The following GUCY1A2 variants were observed in gnomAD, a reference collection of about 807,000 sequenced individuals.
GUCY1A2 encodes the protein guanylate cyclase 1 soluble subunit alpha 2, also known as guanylate cyclase soluble subunit alpha-2.
A neutral mutation model predicts 63.5 loss-of-function variants in GUCY1A2; 27 were observed. The observed-to-expected ratio is 0.43, with a 90% CI of 0.31 to 0.59. The LOEUF (loss-of-function observed/expected upper bound fraction) is 0.59. Ranked by LOEUF, GUCY1A2 falls within the 20% of genes least tolerant of loss-of-function variation. GUCY1A2 has a pLI of 0.11. For synonymous variants in GUCY1A2, 364 were observed against 343.5 expected, an observed-to-expected ratio of 1.06 and a Z score of -0.66; for missense variants, 768 against 913.3, an observed-to-expected ratio of 0.84 and a Z score of 2.05.
chr11:106,688,506 T>C (rs1565258279), intron 7 of GUCY1A2, among the ~76,000 whole-genome samples: 2 of 152,166 alleles, frequency 1.3e-5, no homozygotes, highest in East Asian at 3.8e-4. Context: ...CAGCTCTTGA[T>C]AGACTGTTTC....
At chr11:106,743,379 A>C (rs746232303) in intron 6 of GUCY1A2, among the ~76,000 whole-genome samples, 51 of 152,216 alleles carry the variant, frequency 3.4e-4, no homozygotes, top group Non-Finnish European at 6.9e-4. Flanking sequence ...TTTAGAAAAA[A>C]GTTTACAGTG....
At chr11:106,907,758 G>C (rs996151116) in intron 4 of GUCY1A2, among the ~76,000 whole-genome samples, 1 of 152,076 alleles carries the variant, frequency 6.6e-6, no homozygotes, top group Non-Finnish European at 1.5e-5. Context: ...TGGCTGCATA[G>C]TATTCCATGG....
intron 7 of GUCY1A2, among the ~76,000 whole-genome samples, chr11:106,694,730 G>A (rs1042721427): frequency 1.3e-5 from 2 of 152,132 alleles, no homozygotes; most frequent in African/African-American, 4.8e-5. Context: ...TGTGGCCACG[G>A]CTCCTGACCT....
intron 4 of GUCY1A2, among the ~76,000 whole-genome samples, chr11:106,846,709 T>C (rs1292162353): frequency 6.6e-6 from 1 of 151,622 alleles, no homozygotes; most frequent in Non-Finnish European, 1.5e-5. Context: ...TCTTATAATG[T>C]CTTATATCTA....
chr11:106,936,733 G>A (rs748271498), intron 4 of GUCY1A2: 8 of 1,441,248 alleles, frequency 5.6e-6, no homozygotes, highest in Middle Eastern at 1.7e-4. Flanking sequence ...TTTTTTTATG[G>A]CAGACGTAGT....
At chr11:107,006,330 G>A (rs373434847) in intron 1 of GUCY1A2, among the ~76,000 whole-genome samples, 1 of 152,222 alleles carries the variant, frequency 6.6e-6, no homozygotes, top group South Asian at 2.1e-4. Context: ...TGAGAGATTA[G>A]TGAGATAGAT....
chr11:106,782,004 G>T (rs1162680762), intron 5 of GUCY1A2, among the ~76,000 whole-genome samples: 1 of 152,132 alleles, frequency 6.6e-6, no homozygotes, highest in African/African-American at 2.4e-5. Context: ...GAACTTCTTG[G>T]ATATTTGGGC....
intron 1 of GUCY1A2, among the ~76,000 whole-genome samples, chr11:107,002,562 TAGG>T (rs1271047638): frequency 6.6e-6 from 1 of 152,164 alleles, no homozygotes; most frequent in African/African-American, 2.4e-5. Context: ...TGCTTATTTT[TAGG>T]AGGATAGGAG....
intron 7 of GUCY1A2, among the ~76,000 whole-genome samples, chr11:106,704,077 C>T (rs1440297972): frequency 6.6e-6 from 1 of 152,084 alleles, no homozygotes; most frequent in Non-Finnish European, 1.5e-5. Context: ...TATCTCAGCT[C>T]TTAGTCACAG....
chr11:106,749,151 A>G (rs1461319214), intron 6 of GUCY1A2, among the ~76,000 whole-genome samples: 1 of 152,022 alleles, frequency 6.6e-6, no homozygotes, highest in African/African-American at 2.4e-5. Flanking sequence ...GCCTAGGAGG[A>G]CTAGGCTGTA....
Position 106,810,006 on chromosome 11 carries a change from A to C in GUCY1A2, c.1679T>G (p.Leu560Trp), listed in dbSNP as rs774322851. The C allele has an allele frequency of 6.3e-7, 1 of 1,599,042 alleles. No individual in the cohort carries two copies. Among genetic ancestry groups the C allele is most frequent in the East Asian group, 2.2e-5 (1 of 44,570 alleles). Residue 560 changes from leucine (L) to tryptophan (W), a missense_variant, in exon 5 of 8, where the codon TTG becomes TGG. Physicochemically the swap from Leu to Trp is moderately conservative, Grantham distance 61. Coordinates refer to ENST00000526355, the MANE Select transcript of GUCY1A2 (RefSeq NM_000855.3). ...AAACTCCCTTACCTTATAAATATCC[A>C]AAAATCCACACTGGTGGTCAAATCT... is the stretch of plus-strand genomic sequence containing the variant. The part of the protein sequence containing the change: ...YTRFDHQCGF[L>W]DIYKVETIGD...
At chr11:106,795,252 C>T (rs1864733439) in intron 5 of GUCY1A2, among the ~76,000 whole-genome samples, 1 of 152,136 alleles carries the variant, frequency 6.6e-6, no homozygotes, top group Non-Finnish European at 1.5e-5. Flanking sequence ...CTGTCATAGG[C>T]AACTACAACA....
rs1489393977 is a variant in GUCY1A2 at position 106,982,334 on chromosome 11, C to T, written c.366-3594G>A. ...TTCTAAAGTGAATCCTGCCTGTCTG[C>T]TACTGACTTCTTCTGCTCCTCACTA... On this transcript the variant is annotated intron_variant, in intron 2 of 7. Transcript: ENST00000526355. Among the ~76,000 whole-genome samples, 6 of 152,254 alleles carry T rather than the reference C, an allele frequency of 3.9e-5. No individual in the cohort carries two copies. In the East Asian group the frequency reaches 1.2e-3, roughly 29 times the overall value.
chr11:106,916,947 A>G lies in GUCY1A2; in HGVS notation c.1206+22513T>C, dbSNP rs983757457. On this transcript the variant is annotated intron_variant, in intron 4 of 7. Coordinates refer to ENST00000526355, the MANE Select transcript of GUCY1A2 (RefSeq NM_000855.3). ...TCCTAAATTAATTTTTAAAACATTT[A>G]ATGAGAATCTATTATGTAATTAAAA... 8.9e-5 allele frequency among the ~76,000 whole-genome samples: 13 copies of G among 146,066 alleles called. 1 individual carries two copies. Among genetic ancestry groups the G allele is most frequent in the Admixed American group, 4.1e-4 (6 of 14,660 alleles).
At position 106,843,164 on chromosome 11, in the gene GUCY1A2, T is replaced by C. The variant is rs190990323; in HGVS notation, c.1207-32686A>G. On this transcript the variant is annotated intron_variant, in intron 4 of 7. Transcript: ENST00000526355. The stretch of plus-strand genomic sequence containing the variant: ...AATTGCTACCATTTTGAAAAGTTTA[T>C]AAGGAAAACATGTAGAATGGATGAG... Among the ~76,000 whole-genome samples, 5 of 152,016 alleles carry C rather than the reference T, an allele frequency of 3.3e-5. No homozygotes were observed. The East Asian group carries it at 7.8e-4, about 24-fold the overall frequency.
chr11:106,682,448 C>T lies in GUCY1A2; in HGVS notation c.*5101G>A, dbSNP rs554394161. The T allele has an allele frequency of 2.3e-4, 49 of 209,886 alleles. No individual in the cohort carries two copies. Among genetic ancestry groups the T allele is most frequent in the Middle Eastern group, 3.1e-3 (2 of 646 alleles). 13.0% of individuals were successfully genotyped at this position (209,886 alleles called of 1,614,324 possible). On this transcript the variant is annotated 3_prime_UTR_variant, in exon 8 of 8. Coordinates refer to ENST00000526355, the MANE Select transcript of GUCY1A2 (RefSeq NM_000855.3). ...CAAATCTCTGAAGGTAAAGACTAGTCTTCTGTATTCCTAAAACTCCCTACG... is the reference window on the plus strand; with the variant it reads ...CAAATCTCTGAAGGTAAAGACTAGTTTTCTGTATTCCTAAAACTCCCTACG...
intron 3 of GUCY1A2, among the ~76,000 whole-genome samples, chr11:106,970,216 A>AC (rs1861176668): frequency 1.3e-5 from 2 of 152,192 alleles, no homozygotes; most frequent in South Asian, 4.1e-4. Flanking sequence ...AACAAATGGG[A>AC]CCCTGTTGGT....
At chr11:106,871,939 C>CA (rs1397021533) in intron 4 of GUCY1A2, among the ~76,000 whole-genome samples, 19 of 152,096 alleles carry the variant, frequency 1.2e-4, no homozygotes, top group African/African-American at 4.6e-4. Flanking sequence ...ATTGCAAATT[C>CA]TGCATATTAC....
intron 6 of GUCY1A2, among the ~76,000 whole-genome samples, chr11:106,749,134 T>C (rs1863841280): frequency 2.0e-5 from 3 of 151,974 alleles, no homozygotes; most frequent in African/African-American, 7.2e-5. Flanking sequence ...CCGGTACAGG[T>C]TAAGTAGCCT....
Sources: allele counts gnomAD v4.1 joint callset (sites outside exome capture counted in the v4.1 genomes callset), GRCh38; gene constraint gnomAD v4.1.1; transcripts MANE v1.5; gene names NCBI Gene and HGNC (gene_info 2026-07-23, HGNC 2026-07-21).